The following LGSN variants were observed in gnomAD, a reference collection of about 807,000 sequenced individuals.
The protein encoded by LGSN is lengsin.
Under a neutral mutation model 19.5 loss-of-function variants are expected in LGSN, and 21 were observed. The ratio of observed to expected loss-of-function variants is 1.07; its 90% confidence interval spans 0.76 to 1.55. The LOEUF (loss-of-function observed/expected upper bound fraction) is 1.55, where lower values mean the gene tolerates loss of function less well. Among genes scored for constraint, LGSN ranks in the 40% most tolerant of loss-of-function variants. The pLI is 0.00. For synonymous variants in LGSN, 257 were observed against 215.6 expected, an observed-to-expected ratio of 1.19 and a Z score of -1.68; for missense variants, 673 against 608.5, an observed-to-expected ratio of 1.11 and a Z score of -1.12.
Position 63,280,041 on chromosome 6 carries a change from A to C in LGSN, c.1510T>G (p.Phe504Val), listed in dbSNP as rs1767228412. ...NEEIAAERNK[F>V]LEYFI Reference sequence around the variant, plus strand: ...CTATTCTAAATAAAATACTCTAAGAATTTATTTCTCTCTGCAGCTATTTCT... The same window carrying C: ...CTATTCTAAATAAAATACTCTAAGACTTTATTTCTCTCTGCAGCTATTTCT... Residue 504 changes from phenylalanine to valine, a missense_variant, in exon 4 of 4, where the codon TTC becomes GTC. Coordinates refer to ENST00000370657, the MANE Select transcript of LGSN (RefSeq NM_016571.3). 2.5e-6 allele frequency: 4 copies of C among 1,605,186 alleles called. No individual in the cohort carries two copies. In the South Asian group the frequency reaches 3.3e-5, roughly 13 times the overall value.
At chr6:63,337,581 C>T in the LGSN span, among the ~76,000 whole-genome samples, 1 of 151,872 alleles carries the variant, frequency 6.6e-6, no homozygotes, top group Non-Finnish European at 1.5e-5. Flanking sequence ...GCAGGTAGAT[C>T]ACTTGAGCTC....
chr6:63,511,378 G>A, the LGSN span, among the ~76,000 whole-genome samples: 2 of 151,240 alleles, frequency 1.3e-5, no homozygotes, highest in Non-Finnish European at 3.0e-5. Flanking sequence ...CTCAGCCTCC[G>A]GAGTAGCTGG....
chr6:63,497,286 C>T, the LGSN span, among the ~76,000 whole-genome samples: 4 of 152,088 alleles, frequency 2.6e-5, no homozygotes, highest in Admixed American at 1.3e-4. Context: ...CAGTAGCTCA[C>T]TCCTGTAATC....
chr6:63,495,469 T>TTGTTTTTTTTG, the LGSN span, among the ~76,000 whole-genome samples: 12 of 119,308 alleles, frequency 1.0e-4, 1 homozygote, highest in Admixed American at 8.1e-4. Context: ...TTTTTTTTTT[T>TTGTTTTTTTTG]TTTTTTTGAG....
At chr6:63,424,309 C>A in the LGSN span, among the ~76,000 whole-genome samples, 1 of 152,082 alleles carries the variant, frequency 6.6e-6, no homozygotes, top group Non-Finnish European at 1.5e-5. Flanking sequence ...TCCCTATAAC[C>A]ATTAAGGAAA....
chr6:63,339,098 G>C, the LGSN span, among the ~76,000 whole-genome samples: 2 of 152,132 alleles, frequency 1.3e-5, no homozygotes, highest in Non-Finnish European at 1.5e-5. Flanking sequence ...CTAATATATA[G>C]TCTATCCTGG....
At chr6:63,454,579 T>G in the LGSN span, among the ~76,000 whole-genome samples, 1 of 150,748 alleles carries the variant, frequency 6.6e-6, no homozygotes, top group Non-Finnish European at 1.5e-5. Context: ...TTCAAGCAGT[T>G]CTCTGCCTCA....
chr6:63,531,831 CTT>C, the LGSN span, among the ~76,000 whole-genome samples: 9 of 144,210 alleles, frequency 6.2e-5, no homozygotes, highest in Non-Finnish European at 9.2e-5. Context: ...GCCACATACA[CTT>C]TTTTTTTTTT....
At chr6:63,505,565 A>AG in the LGSN span, among the ~76,000 whole-genome samples, 120 of 58,648 alleles carry the variant, frequency 2.0e-3, 10 homozygotes, top group Non-Finnish European at 3.1e-3. Context: ...AAAAAAAAAA[A>AG]AAAGAAAGAA....
intron 2 of LGSN, among the ~76,000 whole-genome samples, chr6:63,292,855 A>T (rs1767831617): frequency 6.6e-6 from 1 of 152,192 alleles, no homozygotes; most frequent in African/African-American, 2.4e-5. Context: ...CAAATTACCA[A>T]AACTAAGATT....
At chr6:63,497,477 C>T in the LGSN span, among the ~76,000 whole-genome samples, 10 of 152,152 alleles carry the variant, frequency 6.6e-5, no homozygotes, top group South Asian at 6.2e-4. Context: ...CACTTGAACC[C>T]GCGAGGTGGA....
the LGSN span, among the ~76,000 whole-genome samples, chr6:63,459,589 G>A: frequency 6.6e-6 from 1 of 151,836 alleles, no homozygotes; most frequent in African/African-American, 2.4e-5. Flanking sequence ...ATTCTTTCAG[G>A]ATGAAGTCTA....
At chr6:63,323,580 A>G (rs1455464458), upstream of LGSN, among the ~76,000 whole-genome samples, 215 of 150,856 alleles carry the variant, frequency 1.4e-3, 2 homozygotes, top group African/African-American at 4.8e-3. Flanking sequence ...ACACACACAC[A>G]CACACACACA....
chr6:63,303,646 G>C (rs2127391959), intron 1 of LGSN, among the ~76,000 whole-genome samples: 1 of 152,230 alleles, frequency 6.6e-6, no homozygotes, highest in South Asian at 2.1e-4. Context: ...TACAATGCAG[G>C]CTTCAATGCA....
chr6:63,483,969 A>G, the LGSN span, among the ~76,000 whole-genome samples: 94 of 152,074 alleles, frequency 6.2e-4, no homozygotes, highest in African/African-American at 2.1e-3. Flanking sequence ...CATGCAATCA[A>G]CTAGGTTTCC....
chr6:63,545,668 C>T, the LGSN span, among the ~76,000 whole-genome samples: 1 of 151,862 alleles, frequency 6.6e-6, no homozygotes, highest in Admixed American at 6.6e-5. Context: ...TTTTCCTGCC[C>T]CAGCCCTGGA....
chr6:63,459,711 C>T, the LGSN span, among the ~76,000 whole-genome samples: 2 of 151,932 alleles, frequency 1.3e-5, no homozygotes, highest in Admixed American at 6.6e-5. Flanking sequence ...GTCAGGAGTT[C>T]GAGAACAGCC....
At chr6:63,509,836 G>C in the LGSN span, among the ~76,000 whole-genome samples, 3 of 152,270 alleles carry the variant, frequency 2.0e-5, no homozygotes, top group African/African-American at 7.2e-5. Flanking sequence ...CCCCGGGTTA[G>C]TCGCAGACCT....
chr6:63,505,634 A>AAATAAATT, the LGSN span, among the ~76,000 whole-genome samples: 1 of 127,290 alleles, frequency 7.9e-6, no homozygotes, highest in Non-Finnish European at 1.6e-5. Flanking sequence ...AGAAAGAAAG[A>AAATAAATT]AATTCTGGCA....
Sources: allele counts gnomAD v4.1 joint callset (sites outside exome capture counted in the v4.1 genomes callset), GRCh38; gene constraint gnomAD v4.1.1; transcripts MANE v1.5; gene names NCBI Gene and HGNC (gene_info 2026-07-23, HGNC 2026-07-21).